The following ABCA1 variants were observed in gnomAD, a reference collection of about 807,000 sequenced individuals.
ABCA1 encodes ATP binding cassette subfamily A member 1.
A neutral mutation model predicts 262.5 loss-of-function variants in ABCA1; 133 were observed. That is an observed-to-expected ratio of 0.51 (90% CI 0.44 to 0.59). The LOEUF is 0.59. ABCA1 is among the 20% of genes least tolerant of loss of function. The pLI is 0.00. For synonymous variants in ABCA1, 1,022 were observed against 1,043.5 expected (o/e 0.98, Z 0.40); for missense variants, 2,452 against 2,777.5 (o/e 0.88, Z 2.63).
chr9:104,910,069 T>C (rs1289784080), intron 1 of ABCA1, among the ~76,000 whole-genome samples: 9 of 152,176 alleles, frequency 5.9e-5, no homozygotes, highest in Non-Finnish European at 1.5e-5. Flanking sequence ...TGAGCTTTAG[T>C]GCTGGGCTCC....
intron 19 of ABCA1, among the ~76,000 whole-genome samples, chr9:104,822,137 G>A (rs1200931548): frequency 6.6e-6 from 1 of 152,116 alleles, no homozygotes; most frequent in African/African-American, 2.4e-5. Flanking sequence ...GCTTGATTGC[G>A]TCTCACAGGT....
rs139106316 is a variant in ABCA1, at chr9:104,915,308, G to A, written c.-92-11537C>T. Among the ~76,000 whole-genome samples, 299 of 152,286 alleles carry A rather than the reference G, an allele frequency of 2.0e-3. 1 individual carries two copies. The highest frequency in any genetic ancestry group is 6.9e-3 in the African/African-American group (285 of 41,556). ...CAGCCCGGCGAGGGCCAGCTAACTCGGTTAGTGACAATTTAATCAAAGTTC... is the reference window on the plus strand; with the variant it reads ...CAGCCCGGCGAGGGCCAGCTAACTCAGTTAGTGACAATTTAATCAAAGTTC... On this transcript the variant is annotated intron_variant, in intron 1 of 49. Coordinates refer to ENST00000374736, the MANE Select transcript of ABCA1 (RefSeq NM_005502.4).
Position 104,820,052 on chromosome 9 carries a change from T to G in ABCA1, c.2978A>C (p.His993Pro). The change falls in exon 21 of 50, where the codon CAC (histidine) becomes CCC (proline). Residue 993 changes from histidine to proline, a missense_variant. His to Pro is a moderately conservative substitution (Grantham distance 77). Around this residue, in one of 4 missense-constraint regions of ABCA1, gnomAD observed 665 missense variants for 727.3 expected, o/e 0.91. Transcript: ENST00000374736. The stretch of plus-strand genomic sequence containing the variant: ...TTTCAAGCGGGCATAGAACCAGATG[T>G]GTTCTTCGACAGTCAGCCTGGGGAC... ...VLFDMLTVEE[H>P]IWFYARLKGL... 1 of 1,614,164 alleles carries G rather than the reference T, an allele frequency of 6.2e-7. No individual in the cohort carries two copies. The highest frequency in any genetic ancestry group is 8.5e-7 in the Non-Finnish European group (1 of 1,180,030).
chr9:104,807,833 A>T (rs1357717106), intron 30 of ABCA1, among the ~76,000 whole-genome samples: 8 of 137,802 alleles, frequency 5.8e-5, no homozygotes, highest in Non-Finnish European at 1.1e-4. Context: ...AAATAAATAA[A>T]ATATATATAT....
intron 32 of ABCA1, among the ~76,000 whole-genome samples, chr9:104,804,326 C>G (rs1830585685): frequency 6.6e-6 from 1 of 152,210 alleles, no homozygotes; most frequent in Non-Finnish European, 1.5e-5. Context: ...TTTAGATAAA[C>G]TAAGGCTTTA....
chr9:104,869,896 C>G (rs1387159398), intron 5 of ABCA1, among the ~76,000 whole-genome samples: 2 of 148,042 alleles, frequency 1.4e-5, no homozygotes, highest in Non-Finnish European at 3.0e-5. Flanking sequence ...AAATGGAGGT[C>G]TAGCTTCCTA....
intron 23 of ABCA1, 109 bp downstream of exon 23, chr9:104,818,554 A>T (rs1482563534): frequency 2.9e-6 from 3 of 1,026,240 alleles, no homozygotes; most frequent in Admixed American, 3.5e-5. Flanking sequence ...GAGCAGGGAG[A>T]TGGTGGTTTC....
chr9:104,861,476 T>C, intron 6 of ABCA1: 1 of 660,278 alleles, frequency 1.5e-6, no homozygotes, highest in South Asian at 1.8e-5. Flanking sequence ...AGCTGGCCCA[T>C]GACGCCAGGT....
intron 47 of ABCA1, 62 bp from the exon 48 acceptor site, chr9:104,786,452 A>T: frequency 7.1e-7 from 1 of 1,413,346 alleles, no homozygotes; most frequent in Non-Finnish European, 1.0e-6. Flanking sequence ...TGAGAACATC[A>T]CCATGACTTC....
intron 30 of ABCA1, among the ~76,000 whole-genome samples, chr9:104,807,128 G>T (rs1012426958): frequency 3.9e-5 from 6 of 152,218 alleles, no homozygotes; most frequent in African/African-American, 1.4e-4. Flanking sequence ...GATAAAGGAG[G>T]AGGAGAGGAG....
At chr9:104,829,867 A>G (rs145650447) in intron 14 of ABCA1, among the ~76,000 whole-genome samples, 146 of 152,140 alleles carry the variant, frequency 9.6e-4, no homozygotes, top group African/African-American at 3.3e-3. Context: ...AGATAGCCAT[A>G]CAAGGAAACA....
At position 104,865,442 on chromosome 9, in the gene ABCA1, G is replaced by A. The variant is rs1023632666; in HGVS notation, c.422-3642C>T. ...GAAGCAGGAGGATCACTTGAACGTG[G>A]GAGGCAGTGGTTGCACTGAGCAGAG... On this transcript the variant is annotated intron_variant, in intron 5 of 49. Transcript: ENST00000374736. 2.6e-5 allele frequency among the ~76,000 whole-genome samples: 4 copies of A among 151,228 alleles called. No homozygotes were observed. The South Asian group carries it at 6.2e-4, about 24-fold the overall frequency.
intron 7 of ABCA1, among the ~76,000 whole-genome samples, chr9:104,846,715 T>C (rs571934493): frequency 6.6e-6 from 1 of 152,208 alleles, no homozygotes; most frequent in Non-Finnish European, 1.5e-5. Context: ...AGCTCATTCA[T>C]CTCTTCTGGA....
chr9:104,816,552 A>G (rs1162800767), intron 24 of ABCA1, among the ~76,000 whole-genome samples: 7 of 150,164 alleles, frequency 4.7e-5, no homozygotes, highest in Non-Finnish European at 4.4e-5. Flanking sequence ...GTATCACCAA[A>G]GCCAGGCACA....
chr9:104,896,755 G>C (rs569457509), intron 2 of ABCA1, among the ~76,000 whole-genome samples: 1 of 76,574 alleles, frequency 1.3e-5, no homozygotes, highest in African/African-American at 5.8e-5. Context: ...TTTTCAGACA[G>C]AGTTTCACTC....
chr9:104,856,533 T>C (rs1171766678), intron 7 of ABCA1, among the ~76,000 whole-genome samples: 1 of 152,240 alleles, frequency 6.6e-6, no homozygotes, highest in Non-Finnish European at 1.5e-5. Flanking sequence ...GTCACGCTGC[T>C]AATCCTCCCA....
chr9:104,862,701 GCCCCCAC>G (rs1721540057), intron 5 of ABCA1, among the ~76,000 whole-genome samples: 2 of 1,816 alleles, frequency 1.1e-3, no homozygotes, highest in African/African-American at 3.3e-3. Context: ...GGCCGGGCCG[GCCCCCAC>G]CCCCACCCCC....
At chr9:104,923,906 G>A (rs889506826) in intron 1 of ABCA1, among the ~76,000 whole-genome samples, 2 of 152,186 alleles carry the variant, frequency 1.3e-5, no homozygotes, top group Non-Finnish European at 2.9e-5. Context: ...GCCAGGAGCA[G>A]TGGTGCGTGC....
chr9:104,904,422 G>T (rs1840932135), intron 1 of ABCA1, among the ~76,000 whole-genome samples: 1 of 152,022 alleles, frequency 6.6e-6, no homozygotes, highest in Non-Finnish European at 1.5e-5. Flanking sequence ...ACAAAAATTA[G>T]CTGGGCATGG....
Sources: allele counts gnomAD v4.1 joint callset (sites outside exome capture counted in the v4.1 genomes callset), GRCh38; gene constraint gnomAD v4.1.1; regional missense constraint gnomAD v4.1.1; transcripts MANE v1.5; gene names NCBI Gene and HGNC (gene_info 2026-07-23, HGNC 2026-07-21).